IL22RA1: variants seen among roughly 807,000 people sequenced by gnomAD.
IL22RA1 encodes the protein interleukin 22 receptor subunit alpha 1.
IL22RA1 carries 25 observed loss-of-function variants against 32.8 expected under a neutral mutation model. The ratio of observed to expected loss-of-function variants is 0.76; its 90% CI spans 0.55 to 1.06. The LOEUF is 1.06. IL22RA1 is among the 50% of genes least tolerant of loss of function. The pLI is 0.00. For synonymous variants in IL22RA1, 305 were observed against 305.0 expected (o/e 1.00, Z 0.00); for missense variants, 709 against 727.4 (o/e 0.97, Z 0.29).
intron 4 of IL22RA1, among the ~76,000 whole-genome samples, chr1:24,130,893 T>A (rs929479856): frequency 2.0e-5 from 3 of 152,134 alleles, no homozygotes; most frequent in Non-Finnish European, 4.4e-5. Flanking sequence ...TTAGTAGAGA[T>A]GGGGTTTTAC....
chr1:24,137,101 C>T (rs992270728), intron 3 of IL22RA1, 30 bp downstream of exon 3: 2 of 1,594,390 alleles, frequency 1.3e-6, no homozygotes, highest in African/African-American at 1.3e-5. Flanking sequence ...CCTCTTCCCT[C>T]CCCTGAAACC....
intron 2 of IL22RA1, among the ~76,000 whole-genome samples, chr1:24,137,548 G>A (rs529997463): frequency 3.0e-5 from 4 of 133,288 alleles, no homozygotes; most frequent in East Asian, 2.2e-4. Flanking sequence ...ACACAGCCTC[G>A]CTCTGTCACT....
chr1:24,138,500 A>C (rs2148575708), intron 2 of IL22RA1, 82 bp downstream of exon 2: 1,046 of 1,256,838 alleles, frequency 8.3e-4, no homozygotes, highest in Non-Finnish European at 1.0e-3. Flanking sequence ...GGACATGGGA[A>C]CATATGGAGA....
chr1:24,138,556 G>A (rs766878355), intron 2 of IL22RA1, 26 bp downstream of exon 2: 3 of 1,613,846 alleles, frequency 1.9e-6, no homozygotes, highest in Middle Eastern at 3.3e-4. Flanking sequence ...TCAGTCAAAG[G>A]AGGTGGGGTC....
intron 4 of IL22RA1, 97 bp downstream of exon 4, chr1:24,134,114 A>C (rs762832279): frequency 2.0e-6 from 2 of 1,016,842 alleles, no homozygotes; most frequent in Non-Finnish European, 2.8e-6. Context: ...GCTAATTTAC[A>C]TAACATGTCC....
intron 5 of IL22RA1, chr1:24,123,631 T>A: frequency 1.7e-6 from 2 of 1,147,134 alleles, no homozygotes; most frequent in Non-Finnish European, 2.3e-6. Flanking sequence ...TTTACACTGT[T>A]AAATAAATAA....
chr1:24,123,514 C>T (rs1284313462), intron 5 of IL22RA1, 91 bp from the exon 6 acceptor site: 2 of 1,547,946 alleles, frequency 1.3e-6, no homozygotes, highest in Non-Finnish European at 1.7e-6. Flanking sequence ...ATGCTGAAAA[C>T]CCTCTCTGGC....
rs773099586 is a variant in IL22RA1 at position 24,134,310 on chromosome 1, C to T, written c.432G>A (p.Thr144=). 30 of 1,607,084 alleles carry T rather than the reference C, an allele frequency of 1.9e-5. No homozygotes were observed. The highest frequency in any genetic ancestry group is 4.0e-5 in the African/African-American group (3 of 74,226). Residue 144 remains threonine (T), a synonymous_variant, in exon 4 of 7, where the codon ACG becomes ACA. Coordinates refer to ENST00000270800, the MANE Select transcript of IL22RA1 (RefSeq NM_021258.4). The part of the protein sequence containing the change: ...SIQMIVHPTP[T]PIRAGDGHRL... The stretch of plus-strand genomic sequence containing the variant: ...GGTGGCCATCGCCTGCACGGATTGG[C>T]GTGGGGGTAGGATGAACAATCATCT...
In IL22RA1 at chr1:24,121,081, A is replaced by G. The variant is rs1455697430; in HGVS notation, c.1449T>C (p.Ser483=). Residue 483 remains serine, a synonymous_variant, in exon 7 of 7, where the codon AGT becomes AGC. Transcript: ENST00000270800. ...DRTSDPNVLH[S]GEEGTPQYLK... ...GGTACTGTGGTGTCCCTTCCTCCCC[A>G]CTGTGTAGCACATTTGGGTCAGATG... 8 of 1,613,980 alleles carry G rather than the reference A, an allele frequency of 5.0e-6. No individual in the cohort carries two copies. Among genetic ancestry groups the G allele is most frequent in the Non-Finnish European group, 6.8e-6 (8 of 1,180,022 alleles).
intron 4 of IL22RA1, among the ~76,000 whole-genome samples, chr1:24,128,530 C>T (rs200299551): frequency 2.0e-5 from 3 of 147,776 alleles, no homozygotes; most frequent in East Asian, 2.0e-4. Context: ...TGGTTATATA[C>T]ATATATATAT....
chr1:24,137,496 C>A (rs1644250407), intron 2 of IL22RA1, among the ~76,000 whole-genome samples, 187 bp from the exon 3 acceptor site: 1 of 150,734 alleles, frequency 6.6e-6, no homozygotes. Flanking sequence ...TTCTCTTTTT[C>A]TTTCTTTATT....
At chr1:24,139,098 C>T (rs1195775989) in intron 1 of IL22RA1, among the ~76,000 whole-genome samples, 2 of 152,220 alleles carry the variant, frequency 1.3e-5, no homozygotes, top group Non-Finnish European at 1.5e-5. Flanking sequence ...AAACTGCATG[C>T]CCATTAGCAG....
At chr1:24,131,439 T>C (rs1557629039) in intron 4 of IL22RA1, among the ~76,000 whole-genome samples, 1 of 152,214 alleles carries the variant, frequency 6.6e-6, no homozygotes, top group African/African-American at 2.4e-5. Context: ...ACATATATTA[T>C]GCAAACCATA....
Position 24,121,749 on chromosome 1 carries a change from C to T in IL22RA1, c.793-12G>A, listed in dbSNP as rs375622718. 74 of 1,475,470 alleles carry T rather than the reference C, an allele frequency of 5.0e-5. 1 individual carries two copies. The highest frequency in any genetic ancestry group is 2.2e-4 in the East Asian group (9 of 40,964). 91.4% of individuals were successfully genotyped at this position (1,475,470 alleles called of 1,614,324 possible). A position where few individuals can be genotyped will look rare whatever the true frequency, so the allele number is the denominator to read the frequency against. ...ACTCGCTGGACGTTCTGTGCAGGGA[C>T]GACAACAGTCACCCCCCTGTGGTTA... On this transcript the variant is annotated splice_polypyrimidine_tract_variant and intron_variant, in intron 6 of 6. Transcript: ENST00000270800.
chr1:24,125,222 G>C (rs1644152854), intron 5 of IL22RA1, among the ~76,000 whole-genome samples: 1 of 152,128 alleles, frequency 6.6e-6, no homozygotes, highest in Non-Finnish European at 1.5e-5. Context: ...ATCACAGAGG[G>C]GTAGGGACGC....
At chr1:24,140,786 G>A (rs1346899433) in intron 1 of IL22RA1, among the ~76,000 whole-genome samples, 2 of 152,378 alleles carry the variant, frequency 1.3e-5, no homozygotes, top group East Asian at 1.9e-4. Context: ...GGCCCTGGCC[G>A]GCTGGCGTGG....
At chr1:24,142,452 C>G (rs1240600550) in intron 1 of IL22RA1, among the ~76,000 whole-genome samples, 1 of 152,196 alleles carries the variant, frequency 6.6e-6, no homozygotes, top group Non-Finnish European at 1.5e-5. Flanking sequence ...GAACACTATG[C>G]CCTTAAGACC....
chr1:24,140,303 G>A (rs1644271893), intron 1 of IL22RA1, among the ~76,000 whole-genome samples: 1 of 152,218 alleles, frequency 6.6e-6, no homozygotes, highest in Non-Finnish European at 1.5e-5. Context: ...GAGCGGGTTG[G>A]CGTCTGTGAA....
At chr1:24,139,565 G>T (rs981064250) in intron 1 of IL22RA1, among the ~76,000 whole-genome samples, 2 of 152,092 alleles carry the variant, frequency 1.3e-5, no homozygotes, top group Non-Finnish European at 2.9e-5. Flanking sequence ...ACAGGGTCTT[G>T]CTCTGTCCCC....
Sources: allele counts gnomAD v4.1 joint callset (sites outside exome capture counted in the v4.1 genomes callset), GRCh38; gene constraint gnomAD v4.1.1; transcripts MANE v1.5; gene names NCBI Gene and HGNC (gene_info 2026-07-23, HGNC 2026-07-21).